PRUNE2: variants seen among roughly 807,000 people sequenced by gnomAD.
The protein encoded by PRUNE2 is protein prune homolog 2.
Under a neutral mutation model 252.0 loss-of-function variants are expected in PRUNE2, and 164 were observed. The observed-to-expected ratio is 0.65, with a 90% CI of 0.57 to 0.74. PRUNE2 has a LOEUF of 0.74. Among genes scored for constraint, PRUNE2 ranks in the 30% least tolerant of loss-of-function variants. PRUNE2 has a pLI of 0.00. For missense variants in PRUNE2, 3,495 were observed against 3,711.0 expected (o/e 0.94, Z 1.51); for synonymous variants, 1,292 against 1,350.2 (o/e 0.96, Z 0.94).
intron 1 of PRUNE2, among the ~76,000 whole-genome samples, chr9:76,873,805 T>C (rs2061346738): frequency 6.6e-6 from 1 of 152,212 alleles, no homozygotes; most frequent in African/African-American, 2.4e-5. Context: ...GGAAAAGTAC[T>C]CCATAAAGTG....
intron 9 of PRUNE2, among the ~76,000 whole-genome samples, chr9:76,691,706 T>C (rs2044749061): frequency 6.6e-6 from 1 of 152,208 alleles, no homozygotes; most frequent in Non-Finnish European, 1.5e-5. Context: ...CATTAGGCAA[T>C]AGTCCCAAAC....
rs1554763789 is a variant in PRUNE2, at chr9:76,776,941, C to CACAGACAG, written c.756+46690_756+46691insCTGTCTGT. ...ACACACACACACACACACACACACA[C>CACAGACAG]ACACAAAGGGCCTGGACCTTTCTTC... On this transcript the variant is annotated intron_variant, in intron 6 of 18. Coordinates refer to ENST00000376718, the MANE Select transcript of PRUNE2 (RefSeq NM_015225.3). Among the ~76,000 whole-genome samples, 15 of 144,900 alleles carry CACAGACAG rather than the reference C, an allele frequency of 1.0e-4. 1 individual carries two copies. The highest frequency in any genetic ancestry group is 1.8e-4 in the Non-Finnish European group (12 of 66,268).
In PRUNE2 at chr9:76,786,301, G is replaced by C. The variant is rs1011406353; in HGVS notation, c.756+37331C>G. Reference sequence around the variant, plus strand: ...AGGAGAGAATATAAGAACTCTGAGTGATATCAACATTAGGGATTCAAAGAA... The same window carrying C: ...AGGAGAGAATATAAGAACTCTGAGTCATATCAACATTAGGGATTCAAAGAA... On this transcript the variant is annotated intron_variant, in intron 6 of 18. Coordinates refer to ENST00000376718, the MANE Select transcript of PRUNE2 (RefSeq NM_015225.3). The C allele has an allele frequency of 5.3e-5, 8 of 152,160 alleles. 1 individual carries two copies. Among genetic ancestry groups the C allele is most frequent in the African/African-American group, 1.9e-4 (8 of 41,438 alleles). The allele number at this position is 152,160 out of a possible 1,614,324, so 9.4% of individuals were successfully genotyped here.
At chr9:76,718,274 A>G (rs1043014376) in intron 6 of PRUNE2, among the ~76,000 whole-genome samples, 4 of 152,218 alleles carry the variant, frequency 2.6e-5, no homozygotes, top group African/African-American at 9.6e-5. Flanking sequence ...AAAGTGATGT[A>G]AAGAATGTCT....
At chr9:76,668,589 G>C (rs890151) in intron 9 of PRUNE2, among the ~76,000 whole-genome samples, 31,907 of 151,898 alleles carry the variant, frequency 0.21, 3,554 homozygotes, top group Admixed American at 0.28. Context: ...GGTGGAAGCT[G>C]GAGAGAGGCC....
At chr9:76,692,708 A>G (rs1185163216) in intron 9 of PRUNE2, 2 of 153,198 alleles carry the variant, frequency 1.3e-5, no homozygotes. Context: ...TCACAAGGCC[A>G]AGTTCAAAGC....
intron 1 of PRUNE2, among the ~76,000 whole-genome samples, chr9:76,882,706 T>C (rs2061859833): frequency 6.6e-6 from 1 of 152,164 alleles, no homozygotes. Flanking sequence ...TACCAGGGGA[T>C]GGTACTAAAC....
intron 6 of PRUNE2, among the ~76,000 whole-genome samples, chr9:76,783,473 C>T (rs2054642765): frequency 1.3e-5 from 2 of 152,110 alleles, no homozygotes; most frequent in Admixed American, 6.5e-5. Flanking sequence ...GAGGGGACCT[C>T]AAGAGAATGG....
At chr9:76,855,041 G>A (rs2060166938) in intron 1 of PRUNE2, among the ~76,000 whole-genome samples, 1 of 133,574 alleles carries the variant, frequency 7.5e-6, no homozygotes, top group African/African-American at 3.0e-5. Flanking sequence ...ACTCCAGCCT[G>A]GCCACAGAGC....
rs753024303 is a variant in PRUNE2, at chr9:76,709,014, A to G, written c.3260T>C (p.Leu1087Pro). 25 of 1,613,818 alleles carry G rather than the reference A, an allele frequency of 1.5e-5. No individual in the cohort carries two copies. Among genetic ancestry groups the G allele is most frequent in the Middle Eastern group, 1.6e-4 (1 of 6,084 alleles). Reference sequence around the variant, plus strand: ...GAGTTGTCGGTTTGTTTCATTGTACAGTTGCATCATGCTGGGGTCGTCGTA... The same window carrying G: ...GAGTTGTCGGTTTGTTTCATTGTACGGTTGCATCATGCTGGGGTCGTCGTA... ...SSYDDPSMMQ[L>P]YNETNRQLTL... The change falls in exon 8 of 19, where the codon CTG becomes CCG. Residue 1087 changes from leucine (L) to proline (P), a missense_variant. Transcript: ENST00000376718.
At chr9:76,888,673 AAAAG>A (rs891957474) in intron 1 of PRUNE2, among the ~76,000 whole-genome samples, 4 of 151,876 alleles carry the variant, frequency 2.6e-5, no homozygotes, top group African/African-American at 9.7e-5. Context: ...GTTTTGTCTT[AAAAG>A]AAAGAAAAGT....
intron 9 of PRUNE2, among the ~76,000 whole-genome samples, chr9:76,695,231 T>G (rs983217568): frequency 1.3e-5 from 2 of 152,164 alleles, no homozygotes; most frequent in African/African-American, 4.8e-5. Context: ...AGAGATGGGA[T>G]TTCACCATGT....
At chr9:76,866,441 T>C (rs886994142) in intron 1 of PRUNE2, among the ~76,000 whole-genome samples, 10 of 152,266 alleles carry the variant, frequency 6.6e-5, no homozygotes, top group Admixed American at 2.6e-4. Flanking sequence ...GTAGTTATTA[T>C]AGTGTCTCAT....
chr9:76,806,978 C>T (rs2056988942), intron 6 of PRUNE2, among the ~76,000 whole-genome samples: 1 of 151,678 alleles, frequency 6.6e-6, no homozygotes, highest in Admixed American at 6.6e-5. Flanking sequence ...GCGAAGACTC[C>T]AACCCAAGTA....
chr9:76,839,925 T>C (rs1419098555), intron 4 of PRUNE2, among the ~76,000 whole-genome samples: 2 of 152,224 alleles, frequency 1.3e-5, no homozygotes, highest in African/African-American at 4.8e-5. Flanking sequence ...GGTGGTTTAC[T>C]GAAATGAAGA....
At chr9:76,692,279 G>A (rs79629171) in intron 9 of PRUNE2, 2 of 642,432 alleles carry the variant, frequency 3.1e-6, no homozygotes, top group Non-Finnish European at 5.7e-6. Flanking sequence ...GGGCACAGCT[G>A]GGGCTGTGCT....
At chr9:76,763,290 G>A (rs1402432255) in intron 6 of PRUNE2, among the ~76,000 whole-genome samples, 1 of 152,196 alleles carries the variant, frequency 6.6e-6, no homozygotes, top group Admixed American at 6.5e-5. Context: ...GTGTCACAGA[G>A]TTACGTGAGG....
chr9:76,730,931 C>A (rs1247643337), intron 6 of PRUNE2, among the ~76,000 whole-genome samples: 1 of 152,058 alleles, frequency 6.6e-6, no homozygotes, highest in Admixed American at 6.5e-5. Context: ...AGAGATGAGG[C>A]AATCTGAAAG....
At chr9:76,853,243 G>A (rs1416032116) in intron 2 of PRUNE2, among the ~76,000 whole-genome samples, 1 of 152,112 alleles carries the variant, frequency 6.6e-6, no homozygotes, top group East Asian at 1.9e-4. Context: ...GCTCATTCTG[G>A]AAGACTAGCA....
Sources: allele counts gnomAD v4.1 joint callset (sites outside exome capture counted in the v4.1 genomes callset), GRCh38; gene constraint gnomAD v4.1.1; transcripts MANE v1.5; gene names NCBI Gene and HGNC (gene_info 2026-07-23, HGNC 2026-07-21).